Variants in ATG4C observed in about 807,000 individuals in gnomAD.
The protein encoded by ATG4C is autophagy related 4C cysteine peptidase.
Under a neutral mutation model 57.6 loss-of-function variants are expected in ATG4C, and 56 were observed. The observed-to-expected ratio is 0.97, with a 90% CI of 0.78 to 1.21. The LOEUF is 1.21. Among genes scored for constraint, ATG4C ranks in the 50% most tolerant of loss-of-function variants. The pLI, the probability that ATG4C is intolerant of heterozygous loss-of-function variation, is 0.00. For missense variants in ATG4C, 595 were observed against 529.8 expected (o/e 1.12, Z -1.21); for synonymous variants, 157 against 174.1 (o/e 0.90, Z 0.78).
At chr1:62,843,927 G>C (rs1239580344) in intron 10 of ATG4C, among the ~76,000 whole-genome samples, 1 of 152,204 alleles carries the variant, frequency 6.6e-6, no homozygotes, top group South Asian at 2.1e-4. Flanking sequence ...GTTGAAATGA[G>C]AGAGATGTCA....
rs145524317 is a variant in ATG4C at position 62,797,351 on chromosome 1, G to A, written c.-68-6368G>A. Among the ~76,000 whole-genome samples the A allele has an allele frequency of 3.9e-5, 6 of 152,156 alleles. No individual in the cohort carries two copies. The East Asian group carries it at 1.2e-3, about 29-fold the overall frequency. ...TTTAGTCATCAGCAGATGATTTTAT[G>A]TCTGTTAGTGCTGGCTGTGCTATTC... On this transcript the variant is annotated intron_variant, in intron 1 of 10. Coordinates refer to ENST00000317868, the MANE Select transcript of ATG4C (RefSeq NM_032852.4).
chr1:62,845,766 A>C (rs879506745), intron 10 of ATG4C, among the ~76,000 whole-genome samples: 19 of 151,984 alleles, frequency 1.3e-4, no homozygotes, highest in Non-Finnish European at 2.4e-4. Context: ...CAGGGGCGCG[A>C]TTTTGGCTCA....
chr1:62,862,902 A>T (rs1666898026), intron 10 of ATG4C, among the ~76,000 whole-genome samples: 1 of 152,090 alleles, frequency 6.6e-6, no homozygotes, highest in South Asian at 2.1e-4. Context: ...TTTTAAAAAC[A>T]AATTGCATTT....
At chr1:62,837,182 A>T (rs1666024803) in intron 9 of ATG4C, among the ~76,000 whole-genome samples, 1 of 152,200 alleles carries the variant, frequency 6.6e-6, no homozygotes, top group Admixed American at 6.5e-5. Context: ...CTTCTGAAAT[A>T]AATTAGTATA....
chr1:62,786,872 G>C (rs527669694), intron 1 of ATG4C, among the ~76,000 whole-genome samples: 3 of 152,270 alleles, frequency 2.0e-5, no homozygotes, highest in African/African-American at 7.2e-5. Context: ...GAGTGGGGAT[G>C]GGGAGAGGCC....
rs148902432 is a variant in ATG4C at position 62,794,829 on chromosome 1, T to C, written c.-68-8890T>C. On this transcript the variant is annotated intron_variant, in intron 1 of 10. Coordinates refer to ENST00000317868, the MANE Select transcript of ATG4C (RefSeq NM_032852.4). ...AAATGGACACAATAATTGATGTTTC[T>C]GTAAACAAAGAGGAGGGAGAGAAGA... Among the ~76,000 whole-genome samples the C allele has an allele frequency of 2.3e-3, 341 of 150,432 alleles. 1 individual carries two copies. The highest frequency in any genetic ancestry group is 7.6e-3 in the African/African-American group (306 of 40,030).
intron 1 of ATG4C, among the ~76,000 whole-genome samples, chr1:62,802,480 A>AAT (rs954252410): frequency 6.7e-6 from 1 of 150,134 alleles, no homozygotes; most frequent in African/African-American, 2.5e-5. Flanking sequence ...AAAAAAAAAA[A>AAT]GAAATCCAAA....
At chr1:62,823,603 T>G (rs1473203413) in intron 6 of ATG4C, among the ~76,000 whole-genome samples, 1 of 152,196 alleles carries the variant, frequency 6.6e-6, no homozygotes, top group Non-Finnish European at 1.5e-5. Context: ...GACTGCCCAT[T>G]AACTCCTAGT....
chr1:62,818,097 C>A (rs1665343804), intron 4 of ATG4C, among the ~76,000 whole-genome samples: 1 of 152,088 alleles, frequency 6.6e-6, no homozygotes, highest in African/African-American at 2.4e-5. Context: ...CTTAAAATTA[C>A]ATGCATGTTT....
chr1:62,799,061 G>C (rs888520327), intron 1 of ATG4C, among the ~76,000 whole-genome samples: 3 of 151,982 alleles, frequency 2.0e-5, no homozygotes, highest in Non-Finnish European at 2.9e-5. Flanking sequence ...AGCTGGGACT[G>C]TAGGCACACG....
At chr1:62,815,976 C>T (rs372872228) in intron 3 of ATG4C, among the ~76,000 whole-genome samples, 2 of 152,022 alleles carry the variant, frequency 1.3e-5, no homozygotes, top group African/African-American at 4.8e-5. Context: ...TGAGCCACCG[C>T]GCCCAGCCAG....
intron 6 of ATG4C, among the ~76,000 whole-genome samples, chr1:62,827,833 G>A (rs1174231008): frequency 1.3e-5 from 2 of 151,866 alleles, no homozygotes; most frequent in African/African-American, 4.8e-5. Flanking sequence ...AAGTAGACCC[G>A]AGTGTCTGTT....
chr1:62,850,854 G>GTATGTATATATATATA (rs1553230151), intron 10 of ATG4C, among the ~76,000 whole-genome samples: 1 of 84,116 alleles, frequency 1.2e-5, no homozygotes, highest in Non-Finnish European at 2.6e-5. Flanking sequence ...GTGTATGTAT[G>GTATGTATATATATATA]TATATATATA....
At chr1:62,818,046 A>G (rs1158797006) in intron 4 of ATG4C, among the ~76,000 whole-genome samples, 1 of 152,124 alleles carries the variant, frequency 6.6e-6, no homozygotes, top group African/African-American at 2.4e-5. Flanking sequence ...AATATTTTTC[A>G]GTCCTCACTA....
intron 10 of ATG4C, among the ~76,000 whole-genome samples, chr1:62,862,009 A>G (rs1299120732): frequency 2.0e-5 from 3 of 152,210 alleles, no homozygotes; most frequent in Non-Finnish European, 2.9e-5. Flanking sequence ...TAAAGCTGCT[A>G]TTATAAACAT....
In ATG4C at chr1:62,816,600, G is replaced by A; in HGVS notation, c.186G>A (p.Glu62=). The A allele has an allele frequency of 6.2e-7, 1 of 1,612,556 alleles. No individual in the cohort carries two copies. Among genetic ancestry groups the A allele is most frequent in the Non-Finnish European group, 8.5e-7 (1 of 1,179,226 alleles). Residue 62 remains glutamate, a synonymous_variant, in exon 4 of 11, where the codon GAG becomes GAA. Coordinates refer to ENST00000317868, the MANE Select transcript of ATG4C (RefSeq NM_032852.4). ...YEDEDKTLPA[E]SGCTIEDHVI... is the part of the protein sequence containing the mutation. Reference sequence around the variant, plus strand: ...ATGAAGATAAAACGTTACCTGCAGAGTCGGGATGTACAATAGAGGATCACG... The same window carrying A: ...ATGAAGATAAAACGTTACCTGCAGAATCGGGATGTACAATAGAGGATCACG...
chr1:62,793,857 C>T lies in ATG4C; in HGVS notation c.-69+9584C>T, dbSNP rs372818088. 2.6e-5 allele frequency among the ~76,000 whole-genome samples: 4 copies of T among 151,884 alleles called. No individual in the cohort carries two copies. The East Asian group carries it at 5.8e-4, about 22-fold the overall frequency. ...CTATATAAGTCTCTATATTAACTTACGGTGTTACCTCTTATGTAAAGACTA... is the reference window on the plus strand; with the variant it reads ...CTATATAAGTCTCTATATTAACTTATGGTGTTACCTCTTATGTAAAGACTA... On this transcript the variant is annotated intron_variant, in intron 1 of 10. Coordinates refer to ENST00000317868, the MANE Select transcript of ATG4C (RefSeq NM_032852.4).
At chr1:62,850,873 T>C (rs1388493765) in intron 10 of ATG4C, among the ~76,000 whole-genome samples, 4 of 73,070 alleles carry the variant, frequency 5.5e-5, no homozygotes, top group South Asian at 7.6e-4. Flanking sequence ...TATATATATA[T>C]ATATATATAT....
At chr1:62,827,228 A>C (rs1665691145) in intron 6 of ATG4C, among the ~76,000 whole-genome samples, 1 of 152,098 alleles carries the variant, frequency 6.6e-6, no homozygotes. Context: ...GTATCTTCTA[A>C]TCCCATTTTT....
Sources: gnomAD v4.1 joint callset for allele counts (sites outside exome capture counted in the v4.1 genomes callset) on GRCh38, gnomAD v4.1.1 for gene constraint, MANE v1.5 for transcripts, NCBI Gene and HGNC (gene_info 2026-07-23, HGNC 2026-07-21) for gene names.